Variants in TOM1L1 observed in about 807,000 individuals in gnomAD.
TOM1L1 encodes target of myb1 like 1 membrane trafficking protein.
A neutral mutation model predicts 63.4 loss-of-function variants in TOM1L1; 64 were observed. The ratio of observed to expected loss-of-function variants is 1.01; its 90% CI spans 0.83 to 1.24. The LOEUF is 1.24. TOM1L1 is among the 50% of genes most tolerant of loss of function. The pLI is 0.00. For synonymous variants in TOM1L1, 166 were observed against 194.4 expected (o/e 0.85, Z 1.22); for missense variants, 536 against 567.0 (o/e 0.95, Z 0.55).
intron 8 of TOM1L1, among the ~76,000 whole-genome samples, chr17:54,931,956 T>TTTTTG (rs1555610419): frequency 0.016 from 2,028 of 130,288 alleles, 56 homozygotes; most frequent in African/African-American, 0.056. Context: ...TTCGTTTTTT[T>TTTTTG]TTTGTTTGTT....
chr17:54,912,953 GTAA>G, intron 4 of TOM1L1, 138 bp downstream of exon 4: 1 of 783,754 alleles, frequency 1.3e-6, no homozygotes, highest in Non-Finnish European at 1.8e-6. Context: ...TAGTTTCTGT[GTAA>G]TAATAATTTT....
chr17:54,933,549 A>G (rs2048899046), intron 8 of TOM1L1, among the ~76,000 whole-genome samples: 1 of 152,140 alleles, frequency 6.6e-6, no homozygotes, highest in African/African-American at 2.4e-5. Flanking sequence ...TTTGAGACAG[A>G]GTCTTGTTCT....
Position 54,961,280 on chromosome 17 carries a change from C to G in TOM1L1, c.*47C>G. 1 of 1,551,522 alleles carries G rather than the reference C, an allele frequency of 6.4e-7. No individual in the cohort carries two copies. The highest frequency in any genetic ancestry group is 8.7e-7 in the Non-Finnish European group (1 of 1,146,886). The stretch of plus-strand genomic sequence containing the variant: ...CACTACCACATCAAAGGTGCCAACT[C>G]TCTAAAACGTAGACTCTGTGCAGCT... On this transcript the variant is annotated 3_prime_UTR_variant, in exon 16 of 16. Coordinates refer to ENST00000575882, the MANE Select transcript of TOM1L1 (RefSeq NM_005486.3).
chr17:54,955,926 G>T lies in TOM1L1; in HGVS notation c.1371-4640G>T, dbSNP rs577497442. Among the ~76,000 whole-genome samples, 28 of 152,292 alleles carry T rather than the reference G, an allele frequency of 1.8e-4. 2 individuals carry two copies. The highest frequency in any genetic ancestry group is 6.7e-4 in the African/African-American group (28 of 41,566). On this transcript the variant is annotated intron_variant, in intron 14 of 15. Transcript: ENST00000575882. ...GTCAGTGGACTACACTAGACACCAG[G>T]TCAGGGGTCCCAAGGCCCTTCTCTA...
At chr17:54,912,939 AT>A in intron 4 of TOM1L1, 124 bp downstream of exon 4, 2 of 896,234 alleles carry the variant, frequency 2.2e-6, no homozygotes, top group Admixed American at 4.1e-5. Context: ...CATTTTTGCT[AT>A]TTTAGTTTCT....
chr17:54,937,931 A>T (rs151275393), intron 10 of TOM1L1: 1 of 152,304 alleles, frequency 6.6e-6, no homozygotes, highest in African/African-American at 2.4e-5. Flanking sequence ...CAAAATAAGG[A>T]TGATGAAAAA....
In TOM1L1 at chr17:54,937,162, T is replaced by A. The variant is rs770650363; in HGVS notation, c.969T>A (p.Ser323Arg). ...PSQDLLDLSP[S>R]PRMPRATLGE... ...AAGATCTCCTCGACCTAAGTCCCAG[T>A]CCCCGGATGCCTAGGGCCACTCTGG... Residue 323 changes from serine to arginine, a missense_variant, in exon 10 of 16, where the codon AGT becomes AGA. Transcript: ENST00000575882. The A allele has an allele frequency of 3.1e-6, 5 of 1,613,662 alleles. No individual in the cohort carries two copies. The African/African-American group carries it at 5.3e-5, about 17-fold the overall frequency.
At chr17:54,921,136 T>C (rs2048677261) in intron 7 of TOM1L1, among the ~76,000 whole-genome samples, 1 of 152,194 alleles carries the variant, frequency 6.6e-6, no homozygotes, top group African/African-American at 2.4e-5. Flanking sequence ...CTACTGGAGA[T>C]TGGCAGATGG....
chr17:54,917,319 C>A (rs1187855661), intron 7 of TOM1L1: 1 of 152,004 alleles, frequency 6.6e-6, no homozygotes, highest in African/African-American at 2.4e-5. Flanking sequence ...CTTAACATTT[C>A]TTTTATACTT....
chr17:54,915,732 G>T lies in TOM1L1; in HGVS notation c.604-14G>T. On this transcript the variant is annotated splice_polypyrimidine_tract_variant and intron_variant, in intron 6 of 15. Coordinates refer to ENST00000575882, the MANE Select transcript of TOM1L1 (RefSeq NM_005486.3). ...GTGTGTCGCACTGACTGGTGATTGT[G>T]TTGCTCTCTACAGATTGGAAAACTG... is the stretch of plus-strand genomic sequence containing the variant. 6.4e-7 allele frequency: 1 copy of T among 1,562,316 alleles called. No homozygotes were observed. The highest frequency in any genetic ancestry group is 8.7e-7 in the Non-Finnish European group (1 of 1,149,332).
chr17:54,913,757 C>T lies in TOM1L1; in HGVS notation c.382C>T (p.Gln128Ter), dbSNP rs779257155. 6.2e-6 allele frequency: 10 copies of T among 1,604,306 alleles called. No individual in the cohort carries two copies. Among genetic ancestry groups the T allele is most frequent in the Non-Finnish European group, 8.5e-6 (10 of 1,174,448 alleles). ...CATCTCTTGAATTCAGACTTGGTCA[C>T]AGGGCTTCCCAGGAGGTGTGGATGT... ...RILNFIKTWS[Q>*]GFPGGVDVSE... Residue 128 changes from glutamine (Q) to a stop codon, truncating the protein, a stop_gained, in exon 5 of 16, where the codon CAG becomes TAG. Coordinates refer to ENST00000575882, the MANE Select transcript of TOM1L1 (RefSeq NM_005486.3). LOFTEE classifies it high-confidence loss of function.
intron 7 of TOM1L1, among the ~76,000 whole-genome samples, chr17:54,925,193 C>A (rs2048748070): frequency 6.6e-6 from 1 of 152,196 alleles, no homozygotes; most frequent in Non-Finnish European, 1.5e-5. Flanking sequence ...TTGATCGCTA[C>A]CCTGGATTAT....
chr17:54,953,945 G>C (rs1253159596), intron 14 of TOM1L1: 1 of 152,202 alleles, frequency 6.6e-6, no homozygotes, highest in Non-Finnish European at 1.5e-5. Context: ...TAGGAATGCT[G>C]ATGGATTTTC....
chr17:54,950,215 T>C, intron 14 of TOM1L1, 89 bp downstream of exon 14: 2 of 985,344 alleles, frequency 2.0e-6, no homozygotes, highest in East Asian at 5.2e-5. Context: ...CATTTAACTT[T>C]GTTTAGGTCT....
intron 7 of TOM1L1, among the ~76,000 whole-genome samples, chr17:54,919,412 C>T: frequency 6.6e-6 from 1 of 152,168 alleles, no homozygotes; most frequent in Non-Finnish European, 1.5e-5. Context: ...CTGTGGCAAA[C>T]AATCCTTCAG....
intron 3 of TOM1L1, among the ~76,000 whole-genome samples, chr17:54,910,665 C>T (rs1487434829): frequency 1.3e-5 from 2 of 152,190 alleles, no homozygotes; most frequent in African/African-American, 2.4e-5. Context: ...AGCTAAATGG[C>T]ATGTTATTCA....
At chr17:54,938,677 C>T (rs948146444) in intron 10 of TOM1L1, 1 of 366,952 alleles carries the variant, frequency 2.7e-6, no homozygotes, top group Non-Finnish European at 4.8e-6. Context: ...ACAACAACTT[C>T]TTCTCATGGC....
chr17:54,901,286 G>T (rs1338987701), intron 1 of TOM1L1: 1 of 310,880 alleles, frequency 3.2e-6, no homozygotes. Context: ...TCCAGGGCAC[G>T]GTATTGTTAT....
At chr17:54,923,048 T>G (rs1026016442) in intron 7 of TOM1L1, among the ~76,000 whole-genome samples, 10 of 152,240 alleles carry the variant, frequency 6.6e-5, no homozygotes, top group Admixed American at 6.5e-4. Flanking sequence ...GTTTTTGAGG[T>G]TCATCCATGT....
Sources: allele counts gnomAD v4.1 joint callset (sites outside exome capture counted in the v4.1 genomes callset), GRCh38; gene constraint gnomAD v4.1.1; transcripts MANE v1.5; gene names NCBI Gene and HGNC (gene_info 2026-07-23, HGNC 2026-07-21).